CRYBG1: variants seen among roughly 807,000 people sequenced by gnomAD.
CRYBG1 encodes the protein crystallin beta-gamma domain containing 1, also known as beta/gamma crystallin domain-containing protein 1.
In CRYBG1, 139 loss-of-function variants were observed where a neutral mutation model predicts 189.2. The ratio of observed to expected loss-of-function variants is 0.73; its 90% CI spans 0.64 to 0.85. CRYBG1 has a LOEUF of 0.85. CRYBG1 is among the 40% of genes least tolerant of loss of function. CRYBG1 has a pLI of 0.00. For synonymous variants in CRYBG1, 1,023 were observed against 1,017.1 expected, an observed-to-expected ratio of 1.01 and a Z score of -0.11; for missense variants, 2,611 against 2,675.8, an observed-to-expected ratio of 0.98 and a Z score of 0.53.
chr6:106,513,059 C>T lies in CRYBG1; in HGVS notation c.1922+20C>T. 5 of 1,589,262 alleles carry T rather than the reference C, an allele frequency of 3.1e-6. No homozygotes were observed. The highest frequency in any genetic ancestry group is 4.3e-6 in the Non-Finnish European group (5 of 1,174,964). ...GACCCTGTAAGTAGCCGCGCAAGTCCCGGCCGAGTTGCTGTCCGCACACGT... is the reference window on the plus strand; with the variant it reads ...GACCCTGTAAGTAGCCGCGCAAGTCTCGGCCGAGTTGCTGTCCGCACACGT... On this transcript the variant is annotated intron_variant, in intron 3 of 21. Coordinates refer to ENST00000633556, the MANE Select transcript of CRYBG1 (RefSeq NM_001371242.2).
rs112524371 is a variant in CRYBG1, at chr6:106,431,898, T to A, written c.174-19796T>A. On this transcript the variant is annotated intron_variant, in intron 1 of 21. Coordinates refer to ENST00000633556, the MANE Select transcript of CRYBG1 (RefSeq NM_001371242.2). ...CACAGAACCAGATATCGTCATCAGA[T>A]GCAAATGACATGATGAATTTGCCAC... Among the ~76,000 whole-genome samples, 461 of 152,258 alleles carry A rather than the reference T, an allele frequency of 3.0e-3. 2 individuals carry two copies. The highest frequency in any genetic ancestry group is 4.5e-3 in the Non-Finnish European group (308 of 68,022).
intron 1 of CRYBG1, among the ~76,000 whole-genome samples, chr6:106,383,502 G>A (rs961930066): frequency 3.3e-5 from 5 of 152,182 alleles, no homozygotes; most frequent in African/African-American, 1.2e-4. Context: ...ATCAAATACA[G>A]CAGATGTATT....
In CRYBG1 at chr6:106,512,970, A is replaced by T. The variant is rs1326671791; in HGVS notation, c.1853A>T (p.Asp618Val). The T allele has an allele frequency of 1.9e-6, 3 of 1,611,314 alleles. No individual in the cohort carries two copies. Among genetic ancestry groups the T allele is most frequent in the Non-Finnish European group, 2.5e-6 (3 of 1,179,528 alleles). ...GRAAGAPGAS[D>V]ADGLKPRNHF... ...GCGGCCGGAGCGCCTGGAGCTTCTG[A>T]CGCCGACGGCTTGAAGCCCAGGAAC... The change falls in exon 3 of 22, where the codon GAC becomes GTC. Residue 618 changes from aspartate (D) to valine (V), a missense_variant. Physicochemically the swap from Asp to Val is radical, Grantham distance 152 (BLOSUM62 -3). This residue lies in a region of CRYBG1 where 985 missense variants were observed against 924.4 expected (regional missense o/e 1.07). Transcript: ENST00000633556.
chr6:106,549,802 A>G (rs1447285566), intron 13 of CRYBG1, among the ~76,000 whole-genome samples: 1 of 151,984 alleles, frequency 6.6e-6, no homozygotes, highest in Non-Finnish European at 1.5e-5. Flanking sequence ...TTTTTCCTTG[A>G]TGGCTGTTCA....
chr6:106,416,998 A>ATTTTT (rs1771033465), intron 1 of CRYBG1, among the ~76,000 whole-genome samples: 1 of 63,428 alleles, frequency 1.6e-5, no homozygotes, highest in African/African-American at 6.8e-5. Flanking sequence ...GATGGGATTT[A>ATTTTT]CTTTTTTTTT....
chr6:106,512,148 G>C lies in CRYBG1; in HGVS notation c.1031G>C (p.Gly344Ala). Residue 344 changes from glycine (G) to alanine (A), a missense_variant, in exon 3 of 22, where the codon GGT becomes GCT. By Grantham distance (60) the Gly-to-Ala change is moderately conservative. This residue lies in a region of CRYBG1 where 985 missense variants were observed against 924.4 expected (regional missense o/e 1.07). Coordinates refer to ENST00000633556, the MANE Select transcript of CRYBG1 (RefSeq NM_001371242.2). ...CCCAAGGGCGCGTCTGATTTGCCAG[G>C]TGAGCCTCCGGCCGAGGGCGCAGCG... Reference protein sequence around the residue: ...QPPKGASDLPGEPPAEGAAHT... With the variant: ...QPPKGASDLPAEPPAEGAAHT... 6.5e-7 allele frequency: 1 copy of C among 1,534,432 alleles called. No homozygotes were observed. Among genetic ancestry groups the C allele is most frequent in the South Asian group, 1.2e-5 (1 of 83,928 alleles).
intron 2 of CRYBG1, among the ~76,000 whole-genome samples, chr6:106,480,269 A>C (rs1247684756): frequency 1.3e-5 from 2 of 152,110 alleles, no homozygotes; most frequent in African/African-American, 4.8e-5. Context: ...GATGCAGGCC[A>C]TAAAAGTGAT....
chr6:106,426,734 G>A (rs75809377), intron 1 of CRYBG1, among the ~76,000 whole-genome samples: 3,872 of 152,252 alleles, frequency 0.025, 163 homozygotes, highest in African/African-American at 0.088. Flanking sequence ...CTAAGAGGAG[G>A]AAGAATGCAC....
Position 106,568,941 on chromosome 6 carries a change from G to A in CRYBG1, c.*375G>A. 5.6e-6 allele frequency: 1 copy of A among 179,162 alleles called. No homozygotes were observed. Among genetic ancestry groups the A allele is most frequent in the Non-Finnish European group, 1.2e-5 (1 of 84,782 alleles). 11.1% of individuals were successfully genotyped at this position (179,162 alleles called of 1,614,324 possible). ...GAACTGGAACAAATTTACCAACTTTGTGGACCTACAAAGCCCTTACACTTT... is the reference window on the plus strand; with the variant it reads ...GAACTGGAACAAATTTACCAACTTTATGGACCTACAAAGCCCTTACACTTT... On this transcript the variant is annotated 3_prime_UTR_variant, in exon 22 of 22. Transcript: ENST00000633556.
rs186007742 is a variant in CRYBG1, at chr6:106,409,564, A to C, written c.174-42130A>C. Among the ~76,000 whole-genome samples the C allele has an allele frequency of 4.2e-3, 638 of 151,504 alleles. 9 individuals are homozygous for C. Among genetic ancestry groups the C allele is most frequent in the South Asian group, 0.016 (78 of 4,830 alleles). Reference sequence around the variant, plus strand: ...AACCAAAAAAAGAGCCCGTGTAGCCAAGACAATCCTAAGCAAAACAAACAA... The same window carrying C: ...AACCAAAAAAAGAGCCCGTGTAGCCCAGACAATCCTAAGCAAAACAAACAA... On this transcript the variant is annotated intron_variant, in intron 1 of 21. Transcript: ENST00000633556.
At chr6:106,561,564 A>G (rs527344217) in intron 20 of CRYBG1, 64 bp downstream of exon 20, 3 of 1,529,856 alleles carry the variant, frequency 2.0e-6, no homozygotes, top group Admixed American at 2.1e-5. Flanking sequence ...ATCCTTTCAT[A>G]TGCTTTTGAT....
chr6:106,407,632 A>G (rs1286311891), intron 1 of CRYBG1, among the ~76,000 whole-genome samples: 13 of 152,198 alleles, frequency 8.5e-5, no homozygotes, highest in Admixed American at 8.5e-4. Context: ...TGGAAGTAAA[A>G]CACTCCTCAG....
intron 1 of CRYBG1, among the ~76,000 whole-genome samples, chr6:106,365,200 G>A (rs562592711): frequency 1.1e-4 from 17 of 152,176 alleles, no homozygotes; most frequent in African/African-American, 2.6e-4. Flanking sequence ...AGGTGGAGGC[G>A]GGTGGATCAC....
At position 106,525,296 on chromosome 6, in the gene CRYBG1, C is replaced by T. The variant is rs1464863528; in HGVS notation, c.4322C>T (p.Ser1441Phe). 3 of 1,614,140 alleles carry T rather than the reference C, an allele frequency of 1.9e-6. No homozygotes were observed. Among genetic ancestry groups the T allele is most frequent in the Non-Finnish European group, 2.5e-6 (3 of 1,180,012 alleles). ...KVVIYSEPDV[S>F]EKCIEVFSDI... Reference sequence around the variant, plus strand: ...GTGATATATAGTGAACCCGACGTCTCTGAGAAGTGCATTGAAGTTTTCAGT... The same window carrying T: ...GTGATATATAGTGAACCCGACGTCTTTGAGAAGTGCATTGAAGTTTTCAGT... The change falls in exon 6 of 22, where the codon TCT becomes TTT. Residue 1441 changes from serine to phenylalanine, a missense_variant. Ser to Phe is a radical substitution (Grantham distance 155). Around this residue, in one of 3 missense-constraint regions of CRYBG1, gnomAD observed 1,622 missense variants for 1,735.0 expected, o/e 0.93. Coordinates refer to ENST00000633556, the MANE Select transcript of CRYBG1 (RefSeq NM_001371242.2).
intron 1 of CRYBG1, among the ~76,000 whole-genome samples, chr6:106,426,657 C>T (rs957332842): frequency 6.6e-6 from 1 of 152,066 alleles, no homozygotes; most frequent in African/African-American, 2.4e-5. Context: ...CTCAGGTGTC[C>T]CCAGTGGGCA....
chr6:106,398,777 T>C (rs1307156872), intron 1 of CRYBG1, among the ~76,000 whole-genome samples: 2 of 152,238 alleles, frequency 1.3e-5, no homozygotes, highest in African/African-American at 2.4e-5. Context: ...CATATCTTCT[T>C]AGTCCCTCTG....
chr6:106,560,517 C>A (rs1283460962), intron 18 of CRYBG1, among the ~76,000 whole-genome samples: 2 of 152,132 alleles, frequency 1.3e-5, no homozygotes, highest in Non-Finnish European at 2.9e-5. Context: ...CCAGGAAGAA[C>A]TGAGGAATCC....
chr6:106,420,511 G>A (rs902148995), intron 1 of CRYBG1, among the ~76,000 whole-genome samples: 2 of 152,204 alleles, frequency 1.3e-5, no homozygotes, highest in African/African-American at 4.8e-5. Context: ...ACATCTGTCT[G>A]TTTGGGAACA....
chr6:106,566,361 C>T (rs1484823060), intron 21 of CRYBG1, among the ~76,000 whole-genome samples: 1 of 151,556 alleles, frequency 6.6e-6, no homozygotes, highest in Non-Finnish European at 1.5e-5. Flanking sequence ...TCCAGAGCCC[C>T]TTCCTAAATG....
Sources: gnomAD v4.1 joint callset for allele counts (sites outside exome capture counted in the v4.1 genomes callset) on GRCh38, gnomAD v4.1.1 for gene constraint, gnomAD v4.1.1 regional missense constraint, MANE v1.5 for transcripts, NCBI Gene and HGNC (gene_info 2026-07-23, HGNC 2026-07-21) for gene names.